Variants in TNRC6B observed in about 807,000 individuals in gnomAD.
The protein encoded by TNRC6B is trinucleotide repeat containing adaptor 6B, also known as trinucleotide repeat-containing gene 6B protein.
Under a neutral mutation model 203.6 loss-of-function variants are expected in TNRC6B, and 52 were observed. The observed-to-expected ratio is 0.26, with a 90% confidence interval of 0.20 to 0.32. TNRC6B has a LOEUF of 0.32. Among genes scored for constraint, TNRC6B ranks in the 10% least tolerant of loss-of-function variants. The probability of loss-of-function intolerance (pLI) is 1.00; values close to 1 mark genes in which losing one functional copy is unlikely to be tolerated. For synonymous variants in TNRC6B, 838 were observed against 845.7 expected, an observed-to-expected ratio of 0.99 and a Z score of 0.16; for missense variants, 1,923 against 2,286.2, an observed-to-expected ratio of 0.84 and a Z score of 3.24.
chr22:40,050,115 A>C (rs2067732760), intron 1 of TNRC6B, among the ~76,000 whole-genome samples: 1 of 152,110 alleles, frequency 6.6e-6, no homozygotes, highest in South Asian at 2.1e-4. Flanking sequence ...CTGTTATTTC[A>C]AACCTGGAAT....
intron 1 of TNRC6B, among the ~76,000 whole-genome samples, chr22:40,180,908 A>G (rs752127266): frequency 7.2e-5 from 11 of 152,158 alleles, no homozygotes; most frequent in South Asian, 2.1e-4. Context: ...CCACCAATCT[A>G]TATTTCCTAA....
At chr22:40,188,569 C>G (rs879335116) in intron 1 of TNRC6B, among the ~76,000 whole-genome samples, 1 of 152,194 alleles carries the variant, frequency 6.6e-6, no homozygotes, top group Non-Finnish European at 1.5e-5. Context: ...GTGCTCCCCT[C>G]CAGGATCCCA....
intron 1 of TNRC6B, among the ~76,000 whole-genome samples, chr22:40,235,438 TC>T (rs1194754701): frequency 2.0e-5 from 3 of 152,164 alleles, no homozygotes; most frequent in Non-Finnish European, 2.9e-5. Flanking sequence ...GACCACGTCA[TC>T]CCTACAACGC....
intron 1 of TNRC6B, among the ~76,000 whole-genome samples, chr22:40,113,758 C>T (rs2068363204): frequency 6.6e-6 from 1 of 152,222 alleles, no homozygotes; most frequent in African/African-American, 2.4e-5. Flanking sequence ...ATGGGTGGTA[C>T]CCTCCTGTCT....
At chr22:40,055,549 G>A (rs2067787292) in intron 1 of TNRC6B, among the ~76,000 whole-genome samples, 1 of 152,182 alleles carries the variant, frequency 6.6e-6, no homozygotes, top group Non-Finnish European at 1.5e-5. Flanking sequence ...GACAGGAAAT[G>A]ACCTTAGAAT....
chr22:40,153,813 T>C (rs2068783915), intron 3 of TNRC6B, among the ~76,000 whole-genome samples: 1 of 151,402 alleles, frequency 6.6e-6, no homozygotes, highest in African/African-American at 2.4e-5. Context: ...CCGGTAGTAT[T>C]AATGTTATTT....
At chr22:40,045,617 G>T (rs2146257522) in intron 1 of TNRC6B, 1 of 152,470 alleles carries the variant, frequency 6.6e-6, no homozygotes, top group Admixed American at 6.5e-5. Flanking sequence ...CCTCGCCAGG[G>T]CCCTGCGTGT....
intron 12 of TNRC6B, among the ~76,000 whole-genome samples, chr22:40,292,716 T>C (rs2070885136): frequency 6.6e-6 from 1 of 152,214 alleles, no homozygotes; most frequent in Non-Finnish European, 1.5e-5. Flanking sequence ...TAGTGGCGCT[T>C]TTCCCTGGTC....
chr22:40,212,986 T>G (rs1003823190), intron 1 of TNRC6B, among the ~76,000 whole-genome samples: 1 of 152,216 alleles, frequency 6.6e-6, no homozygotes, highest in Non-Finnish European at 1.5e-5. Context: ...TTGCCACATG[T>G]GGCTAGTGGC....
In TNRC6B at chr22:40,273,436, A is replaced by G. The variant is rs762117902; in HGVS notation, c.2977A>G (p.Met993Val). The part of the protein sequence containing the change: ...PNAMKPNSKS[M>V]QDGWGESDGP... The stretch of plus-strand genomic sequence containing the variant: ...TTCTTTCCTTAAAGATTCCAAATCT[A>G]TGCAAGACGGCTGGGGGGAGAGTGA... Residue 993 changes from methionine (M) to valine (V), a missense_variant, in exon 7 of 23, where the codon ATG becomes GTG. Physicochemically the swap from Met to Val is conservative, Grantham distance 21. This residue lies in a region of TNRC6B where 599 missense variants were observed against 656.5 expected (regional missense o/e 0.91). Coordinates refer to ENST00000454349, the MANE Select transcript of TNRC6B (RefSeq NM_001162501.2). 3.7e-6 allele frequency: 6 copies of G among 1,607,506 alleles called. No individual in the cohort carries two copies. The highest frequency in any genetic ancestry group is 2.2e-5 in the East Asian group (1 of 44,758).
At chr22:40,060,200 CTT>C (rs112050371) in intron 1 of TNRC6B, among the ~76,000 whole-genome samples, 3 of 132,082 alleles carry the variant, frequency 2.3e-5, no homozygotes, top group African/African-American at 8.2e-5. Context: ...ATGCACATGA[CTT>C]TTTTTTTTAT....
At chr22:40,244,084 C>A (rs973336993) in intron 1 of TNRC6B, among the ~76,000 whole-genome samples, 1 of 152,036 alleles carries the variant, frequency 6.6e-6, no homozygotes, top group Non-Finnish European at 1.5e-5. Flanking sequence ...GCATGAGGAA[C>A]CCCATCCACT....
intron 3 of TNRC6B, among the ~76,000 whole-genome samples, chr22:40,258,904 CTTG>C (rs1467397483): frequency 2.0e-5 from 3 of 152,150 alleles, no homozygotes; most frequent in Non-Finnish European, 4.4e-5. Context: ...TCTGTCATGT[CTTG>C]TTGTTTTTCT....
At chr22:40,303,139 C>T (rs2071047373) in intron 15 of TNRC6B, among the ~76,000 whole-genome samples, 1 of 149,912 alleles carries the variant, frequency 6.7e-6, no homozygotes, top group Non-Finnish European at 1.5e-5. Context: ...AAGCGATTCT[C>T]CTGCCTCAGC....
intron 12 of TNRC6B, 58 bp downstream of exon 12, chr22:40,285,828 G>T: frequency 6.3e-7 from 1 of 1,581,344 alleles, no homozygotes; most frequent in Non-Finnish European, 8.6e-7. Context: ...ATCATTACCA[G>T]TTGTTAACTG....
intron 13 of TNRC6B, 44 bp from the exon 14 acceptor site, chr22:40,300,866 T>A: frequency 6.3e-7 from 1 of 1,575,342 alleles, no homozygotes; most frequent in Non-Finnish European, 8.7e-7. Flanking sequence ...AGTAAATCAA[T>A]CTCAGGAAAC....
At chr22:40,074,513 T>G (rs2067987746) in intron 1 of TNRC6B, among the ~76,000 whole-genome samples, 1 of 151,998 alleles carries the variant, frequency 6.6e-6, no homozygotes, top group East Asian at 1.9e-4. Context: ...GCGCGGTGGC[T>G]CACGCCTGTA....
intron 1 of TNRC6B, among the ~76,000 whole-genome samples, chr22:40,200,412 G>C (rs1285785318): frequency 7.2e-6 from 1 of 139,426 alleles, no homozygotes; most frequent in Non-Finnish European, 1.5e-5. Flanking sequence ...TCAGCCTCCC[G>C]AGTAGCTGGG....
intron 1 of TNRC6B, among the ~76,000 whole-genome samples, chr22:40,114,882 G>GA (rs112840515): frequency 0.029 from 4,347 of 152,266 alleles, 201 homozygotes; most frequent in African/African-American, 0.1. Context: ...ACCTTGGAAG[G>GA]AAAATAGTGC....
Sources: allele counts gnomAD v4.1 joint callset (sites outside exome capture counted in the v4.1 genomes callset), GRCh38; gene constraint gnomAD v4.1.1; regional missense constraint gnomAD v4.1.1; transcripts MANE v1.5; gene names NCBI Gene and HGNC (gene_info 2026-07-23, HGNC 2026-07-21).